Variants in LINGO1 observed in about 807,000 individuals in gnomAD.
LINGO1 encodes leucine-rich repeat and immunoglobulin-like domain-containing nogo receptor-interacting protein 1.
LINGO1 carries 11 observed loss-of-function variants against 37.3 expected under a neutral mutation model. The ratio of observed to expected loss-of-function variants is 0.29; its 90% CI spans 0.19 to 0.49. The LOEUF (loss-of-function observed/expected upper bound fraction) is 0.49, where lower values mean the gene tolerates loss of function less well. LINGO1 is among the 20% of genes least tolerant of loss of function. LINGO1 has a pLI of 0.99. For missense variants in LINGO1, 585 were observed against 878.2 expected (o/e 0.67, Z 4.22); for synonymous variants, 387 against 403.0 (o/e 0.96, Z 0.48).
At chr15:77,667,862 TCC>T (rs1205339562) in intron 3 of LINGO1, 5 of 152,154 alleles carry the variant, frequency 3.3e-5, no homozygotes, top group Admixed American at 3.3e-4. Flanking sequence ...GAAAAGGGCA[TCC>T]TCCAGCTGGA....
chr15:77,747,074 C>T (rs2076321522), intron 1 of LINGO1, among the ~76,000 whole-genome samples: 1 of 152,214 alleles, frequency 6.6e-6, no homozygotes. Flanking sequence ...TCCCTCAGGA[C>T]CTCTTCAAAC....
chr15:77,790,395 G>A (rs147619462), upstream of LINGO1, among the ~76,000 whole-genome samples: 663 of 152,340 alleles, frequency 4.4e-3, 4 homozygotes, highest in Non-Finnish European at 7.0e-3. Flanking sequence ...ATGGGATGTA[G>A]GATGGGCTGT....
upstream of LINGO1, among the ~76,000 whole-genome samples, chr15:77,638,047 C>G (rs1009018378): frequency 1.3e-5 from 2 of 152,242 alleles, no homozygotes; most frequent in Non-Finnish European, 2.9e-5. Context: ...CTAGAAGCAA[C>G]GTAGTCAGCA....
Position 77,745,403 on chromosome 15 carries a change from C to T in LINGO1, c.-256-10350G>A, listed in dbSNP as rs578070920. On this transcript the variant is annotated intron_variant, in intron 1 of 3. Transcript: ENST00000561686. ...ATCTGGCCACTGCACTCCAGCTGGG[C>T]GACAAAGCAAGACTCCGTCTCAAAA... 1.1e-4 allele frequency among the ~76,000 whole-genome samples: 16 copies of T among 148,204 alleles called. No homozygotes were observed. In the South Asian group the frequency reaches 1.9e-3, roughly 18 times the overall value.
At chr15:77,773,536 A>C (rs950583435) in intron 1 of LINGO1, among the ~76,000 whole-genome samples, 1 of 152,058 alleles carries the variant, frequency 6.6e-6, no homozygotes, top group African/African-American at 2.4e-5. Flanking sequence ...CCACCCTGGA[A>C]GCCCATCCCT....
intron 2 of LINGO1, among the ~76,000 whole-genome samples, chr15:77,703,605 G>C (rs141504125): frequency 2.0e-5 from 3 of 152,184 alleles, no homozygotes; most frequent in African/African-American, 4.8e-5. Flanking sequence ...GGTGATGTCA[G>C]GGATGCTGGG....
At chr15:77,661,768 C>T (rs368983007) in intron 3 of LINGO1, among the ~76,000 whole-genome samples, 1 of 152,338 alleles carries the variant, frequency 6.6e-6, no homozygotes, top group Admixed American at 6.5e-5. Flanking sequence ...CCTGAGCAAA[C>T]AGAGACAGCA....
upstream of LINGO1, among the ~76,000 whole-genome samples, chr15:77,638,364 G>A (rs2074436114): frequency 1.3e-5 from 2 of 152,284 alleles, no homozygotes; most frequent in South Asian, 4.1e-4. Context: ...AAGAAGTCAA[G>A]GAAGTGTGCA....
At chr15:77,805,484 C>T (rs184892470) in intron 1 of LINGO1, among the ~76,000 whole-genome samples, 2 of 152,312 alleles carry the variant, frequency 1.3e-5, no homozygotes, top group African/African-American at 2.4e-5. Context: ...CCAGCCTATG[C>T]CTAGCTGGGC....
chr15:77,691,719 G>A (rs747910937), intron 1 of LINGO1, among the ~76,000 whole-genome samples: 126 of 151,552 alleles, frequency 8.3e-4, no homozygotes, highest in Non-Finnish European at 1.6e-3. Flanking sequence ...AACACTCCAC[G>A]ACAGAGATGA....
At chr15:77,652,299 T>C (rs989440098) in intron 3 of LINGO1, 1 of 152,144 alleles carries the variant, frequency 6.6e-6, no homozygotes, top group Non-Finnish European at 1.5e-5. Context: ...CTACTATTCT[T>C]GTTGCTATTA....
chr15:77,712,172 C>T (rs926248187), intron 2 of LINGO1, among the ~76,000 whole-genome samples: 1 of 152,186 alleles, frequency 6.6e-6, no homozygotes, highest in Admixed American at 6.5e-5. Flanking sequence ...TGCCTGCTTC[C>T]AGTCACCTTC....
At chr15:77,792,028 T>C (rs1413825185) in intron 2 of LINGO1, among the ~76,000 whole-genome samples, 1 of 152,094 alleles carries the variant, frequency 6.6e-6, no homozygotes, top group Non-Finnish European at 1.5e-5. Context: ...ACCACCCAGA[T>C]GCTGACTCCC....
At chr15:77,686,649 T>C (rs1315438883) in intron 2 of LINGO1, among the ~76,000 whole-genome samples, 1 of 152,192 alleles carries the variant, frequency 6.6e-6, no homozygotes, top group South Asian at 2.1e-4. Context: ...CAGTCAGTTA[T>C]GCTGGGAGAA....
chr15:77,640,111 G>A (rs567008186), intron 3 of LINGO1, among the ~76,000 whole-genome samples: 1 of 152,282 alleles, frequency 6.6e-6, no homozygotes, highest in Admixed American at 6.5e-5. Context: ...TCCTCACTCT[G>A]TCATTAACTT....
intron 1 of LINGO1, among the ~76,000 whole-genome samples, chr15:77,775,012 C>T (rs148445242): frequency 6.6e-5 from 10 of 152,332 alleles, no homozygotes; most frequent in Non-Finnish European, 1.5e-4. Flanking sequence ...CGTCTCACGT[C>T]GCCTGGGGCT....
Position 77,615,223 on chromosome 15 carries a change from A to G in LINGO1, c.684T>C (p.Asn228=). The part of the protein sequence containing the change: ...IVLRLRHLNI[N]AIRDYSFKRL... ...TCTTGAAGGAGTAGTCCCGGATGGC[A>G]TTGATGTTGAGGTGCCGGAGCCTCA... Residue 228 remains asparagine, a synonymous_variant, in exon 2 of 2, where the codon AAT becomes AAC. Coordinates refer to ENST00000355300, the MANE Select transcript of LINGO1 (RefSeq NM_032808.7). The G allele has an allele frequency of 3.7e-6, 6 of 1,613,680 alleles. No homozygotes were observed. Among genetic ancestry groups the G allele is most frequent in the Non-Finnish European group, 5.1e-6 (6 of 1,179,814 alleles).
chr15:77,635,204 C>A (rs370215811), upstream of LINGO1, among the ~76,000 whole-genome samples: 1 of 152,238 alleles, frequency 6.6e-6, no homozygotes, highest in African/African-American at 2.4e-5. Context: ...TCTCCACTGT[C>A]AATGGCATCC....
chr15:77,797,187 T>C (rs1160684920), intron 1 of LINGO1, among the ~76,000 whole-genome samples: 2 of 152,246 alleles, frequency 1.3e-5, no homozygotes, highest in East Asian at 3.8e-4. Flanking sequence ...CTCTCCCTCC[T>C]TCTGGCCAGG....
Sources: allele counts gnomAD v4.1 joint callset (sites outside exome capture counted in the v4.1 genomes callset), GRCh38; gene constraint gnomAD v4.1.1; transcripts MANE v1.5; gene names NCBI Gene and HGNC (gene_info 2026-07-23, HGNC 2026-07-21).